ZFPM2: variants seen among roughly 807,000 people sequenced by gnomAD.
ZFPM2 encodes zinc finger protein, FOG family member 2.
Under a neutral mutation model 98.6 loss-of-function variants are expected in ZFPM2, and 20 were observed. The ratio of observed to expected loss-of-function variants is 0.20; its 90% confidence interval spans 0.14 to 0.29. The LOEUF (loss-of-function observed/expected upper bound fraction) is 0.29, where lower values mean the gene tolerates loss of function less well. Ranked by LOEUF, ZFPM2 falls within the 10% of genes least tolerant of loss-of-function variation. The pLI is 1.00. For synonymous variants in ZFPM2, 518 were observed against 502.7 expected (o/e 1.03, Z -0.41); for missense variants, 1,310 against 1,388.6 (o/e 0.94, Z 0.90).
intron 5 of ZFPM2, among the ~76,000 whole-genome samples, chr8:105,667,731 T>C (rs1195342116): frequency 6.6e-6 from 1 of 152,200 alleles, no homozygotes; most frequent in Non-Finnish European, 1.5e-5. Context: ...AGCCAGATAT[T>C]AAGGAGATTT....
At chr8:105,592,931 A>G (rs1746009318) in intron 4 of ZFPM2, among the ~76,000 whole-genome samples, 1 of 152,170 alleles carries the variant, frequency 6.6e-6, no homozygotes, top group Non-Finnish European at 1.5e-5. Context: ...GATTTATGAC[A>G]GGGCTGCAGC....
intron 5 of ZFPM2, among the ~76,000 whole-genome samples, chr8:105,694,251 G>T (rs1388247788): frequency 6.6e-6 from 1 of 151,938 alleles, no homozygotes; most frequent in Non-Finnish European, 1.5e-5. Context: ...CTCCCAAAGT[G>T]CTGGGATTAC....
At chr8:105,655,354 T>A (rs1248196158) in intron 5 of ZFPM2, among the ~76,000 whole-genome samples, 3 of 148,552 alleles carry the variant, frequency 2.0e-5, no homozygotes, top group Admixed American at 6.8e-5. Flanking sequence ...GCCTCAGCCA[T>A]CTGAGTAGCT....
chr8:105,400,545 CT>C (rs1263466414), intron 1 of ZFPM2, among the ~76,000 whole-genome samples: 1 of 152,000 alleles, frequency 6.6e-6, no homozygotes, highest in Non-Finnish European at 1.5e-5. Flanking sequence ...TTTTTTCTAA[CT>C]TTATTGTTTA....
intron 5 of ZFPM2, among the ~76,000 whole-genome samples, chr8:105,640,251 G>C (rs1287652253): frequency 6.6e-6 from 1 of 151,930 alleles, no homozygotes; most frequent in Non-Finnish European, 1.5e-5. Flanking sequence ...ACTAAGCCAA[G>C]GTTACAGGTT....
intron 1 of ZFPM2, among the ~76,000 whole-genome samples, chr8:105,378,478 C>A (rs1019390826): frequency 2.0e-5 from 3 of 152,122 alleles, no homozygotes; most frequent in Non-Finnish European, 2.9e-5. Flanking sequence ...ATCTTTCCTC[C>A]TAGGCTGCAA....
At chr8:105,636,624 C>T (rs1310356132) in intron 5 of ZFPM2, among the ~76,000 whole-genome samples, 1 of 152,080 alleles carries the variant, frequency 6.6e-6, no homozygotes, top group Non-Finnish European at 1.5e-5. Flanking sequence ...TCTTAGTCAC[C>T]TTTCTATTCC....
rs566478220 is a variant in ZFPM2 at position 105,436,635 on chromosome 8, C to T, written c.200-7645C>T. Among the ~76,000 whole-genome samples the T allele has an allele frequency of 4.6e-5, 7 of 152,156 alleles. 1 individual carries two copies. The highest frequency in any genetic ancestry group is 7.2e-5 in the African/African-American group (3 of 41,510). On this transcript the variant is annotated intron_variant, in intron 2 of 7. Coordinates refer to ENST00000407775, the MANE Select transcript of ZFPM2 (RefSeq NM_012082.4). ...TTGCTTGCCATGTAGTCGACTTTGACGGTAATGTCCTAGTAAGTTAGAGGC... is the reference window on the plus strand; with the variant it reads ...TTGCTTGCCATGTAGTCGACTTTGATGGTAATGTCCTAGTAAGTTAGAGGC...
chr8:105,378,366 T>C (rs897157175), intron 1 of ZFPM2, among the ~76,000 whole-genome samples: 4 of 152,196 alleles, frequency 2.6e-5, no homozygotes, highest in African/African-American at 9.7e-5. Flanking sequence ...ACTTACGATA[T>C]TTCCAACCCG....
At chr8:105,751,368 C>T (rs990470129) in intron 5 of ZFPM2, among the ~76,000 whole-genome samples, 1 of 152,082 alleles carries the variant, frequency 6.6e-6, no homozygotes, top group African/African-American at 2.4e-5. Context: ...AGCTCCACAG[C>T]AGTGGCAAAC....
intron 4 of ZFPM2, 60 bp downstream of exon 4, chr8:105,561,541 GCT>G: frequency 7.6e-7 from 1 of 1,310,998 alleles, no homozygotes; most frequent in Non-Finnish European, 1.0e-6. Context: ...TTTTGCCATA[GCT>G]CAGAAATTCT....
At chr8:105,475,135 A>G (rs566010130) in intron 3 of ZFPM2, among the ~76,000 whole-genome samples, 25 of 152,344 alleles carry the variant, frequency 1.6e-4, no homozygotes, top group African/African-American at 5.3e-4. Context: ...TAGAGGAGTG[A>G]CAAATTTGGT....
intron 3 of ZFPM2, among the ~76,000 whole-genome samples, chr8:105,448,420 T>C (rs1329180373): frequency 3.9e-5 from 6 of 152,058 alleles, no homozygotes; most frequent in African/African-American, 1.4e-4. Flanking sequence ...TTCTTATATG[T>C]CTAATTATTC....
chr8:105,733,888 A>G (rs541416149), intron 5 of ZFPM2, among the ~76,000 whole-genome samples: 33 of 152,036 alleles, frequency 2.2e-4, no homozygotes, highest in Admixed American at 8.5e-4. Context: ...GAAAATACAC[A>G]TGAGCTTTGT....
intron 1 of ZFPM2, among the ~76,000 whole-genome samples, chr8:105,413,509 C>T (rs1018532851): frequency 9.1e-5 from 12 of 131,520 alleles, no homozygotes; most frequent in Non-Finnish European, 1.2e-4. Context: ...TATATATATA[C>T]ACACACACAC....
intron 2 of ZFPM2, among the ~76,000 whole-genome samples, chr8:105,420,716 T>G (rs888692246): frequency 6.6e-6 from 1 of 152,172 alleles, no homozygotes; most frequent in Non-Finnish European, 1.5e-5. Flanking sequence ...TGTCTGGAGA[T>G]GGATAATTTT....
At chr8:105,794,743 G>C (rs1194205044) in intron 6 of ZFPM2, among the ~76,000 whole-genome samples, 1 of 152,216 alleles carries the variant, frequency 6.6e-6, no homozygotes, top group Non-Finnish European at 1.5e-5. Context: ...CCCAGTTGGA[G>C]CTTCCCGGCT....
intron 5 of ZFPM2, among the ~76,000 whole-genome samples, chr8:105,692,053 C>G (rs1730992300): frequency 1.3e-5 from 2 of 152,326 alleles, no homozygotes; most frequent in Admixed American, 6.5e-5. Context: ...AAGTCATGCT[C>G]TTTTAGAGTC....
chr8:105,346,396 A>T (rs2957450), intron 1 of ZFPM2, among the ~76,000 whole-genome samples: 94,893 of 151,022 alleles, frequency 0.63, 29,942 homozygotes, highest in East Asian at 0.82. Flanking sequence ...AAAAAAAAAA[A>T]AAATAAATAA....
Sources: allele counts gnomAD v4.1 joint callset (sites outside exome capture counted in the v4.1 genomes callset), GRCh38; gene constraint gnomAD v4.1.1; transcripts MANE v1.5; gene names NCBI Gene and HGNC (gene_info 2026-07-23, HGNC 2026-07-21).